Variants in VAT1L observed in about 807,000 individuals in gnomAD.
VAT1L encodes the protein vesicle amine transport 1 like.
A neutral mutation model predicts 44.1 loss-of-function variants in VAT1L; 34 were observed. That is an observed-to-expected ratio of 0.77 (90% CI 0.59 to 1.03). VAT1L has a LOEUF of 1.03. Among genes scored for constraint, VAT1L ranks in the 50% least tolerant of loss-of-function variants. The pLI is 0.00. For synonymous variants in VAT1L, 253 were observed against 202.2 expected, an observed-to-expected ratio of 1.25 and a Z score of -2.13; for missense variants, 615 against 538.8, an observed-to-expected ratio of 1.14 and a Z score of -1.40.
At chr16:77,886,783 G>A (rs893764712) in intron 7 of VAT1L, among the ~76,000 whole-genome samples, 4 of 152,102 alleles carry the variant, frequency 2.6e-5, no homozygotes, top group African/African-American at 9.7e-5. Context: ...TGAGTGGAGG[G>A]GGGAGACTTA....
Position 77,901,630 on chromosome 16 carries a change from A to G in VAT1L, c.1077+16828A>G, listed in dbSNP as rs1429252491. 3.3e-5 allele frequency among the ~76,000 whole-genome samples: 5 copies of G among 152,272 alleles called. No homozygotes were observed. The East Asian group carries it at 7.7e-4, about 24-fold the overall frequency. ...TTCTCTTTAGGCACAATGTGGTTCT[A>G]ACTCCCAGGTTTGCAGGCCATCAGC... On this transcript the variant is annotated intron_variant, in intron 7 of 8. Transcript: ENST00000302536.
chr16:77,882,847 G>A (rs541360003), intron 6 of VAT1L, among the ~76,000 whole-genome samples: 12 of 152,276 alleles, frequency 7.9e-5, no homozygotes, highest in South Asian at 4.1e-4. Flanking sequence ...TAAGGAATAC[G>A]TTAAGTTATT....
chr16:77,811,851 T>C (rs981660748), intron 1 of VAT1L, among the ~76,000 whole-genome samples: 3 of 152,170 alleles, frequency 2.0e-5, no homozygotes, highest in African/African-American at 7.2e-5. Flanking sequence ...CAATGTCTTT[T>C]TCTCAAGACC....
chr16:77,914,924 G>A (rs537265145), intron 7 of VAT1L, among the ~76,000 whole-genome samples: 5 of 152,144 alleles, frequency 3.3e-5, no homozygotes, highest in Admixed American at 6.6e-5. Context: ...TCGGGAGTTC[G>A]AGACCAGCCT....
Position 77,789,285 on chromosome 16 carries a change from C to G in VAT1L, c.233+370C>G, listed in dbSNP as rs185741837. Among the ~76,000 whole-genome samples the G allele has an allele frequency of 2.4e-3, 372 of 152,250 alleles. 2 individuals are homozygous for G. The highest frequency in any genetic ancestry group is 4.0e-3 in the Non-Finnish European group (275 of 68,018). On this transcript the variant is annotated intron_variant, in intron 1 of 8. Transcript: ENST00000302536. ...TTAAAAATATATGTATTAAGAACCG[C>G]AAGCCCACTGTGTGCCAGCCGCCGT...
chr16:77,831,457 A>G (rs923536053), intron 3 of VAT1L, among the ~76,000 whole-genome samples: 14 of 152,164 alleles, frequency 9.2e-5, no homozygotes, highest in Admixed American at 1.3e-4. Context: ...GCTTCCATGT[A>G]TGTGTCATAC....
In VAT1L at chr16:77,896,954, C is replaced by T. The variant is rs1304867884; in HGVS notation, c.1077+12152C>T. ...TTAAAAGACACAGACCAGGATTCTGCTGTTTCCAAAGACTGGAAAGTTTCT... is the reference window on the plus strand; with the variant it reads ...TTAAAAGACACAGACCAGGATTCTGTTGTTTCCAAAGACTGGAAAGTTTCT... On this transcript the variant is annotated intron_variant, in intron 7 of 8. Coordinates refer to ENST00000302536, the MANE Select transcript of VAT1L (RefSeq NM_020927.3). Among the ~76,000 whole-genome samples the T allele has an allele frequency of 3.9e-5, 6 of 152,228 alleles. No individual in the cohort carries two copies. The South Asian group carries it at 1.0e-3, about 26-fold the overall frequency.
intron 3 of VAT1L, among the ~76,000 whole-genome samples, chr16:77,847,414 T>C (rs1011001097): frequency 6.6e-6 from 1 of 152,198 alleles, no homozygotes; most frequent in African/African-American, 2.4e-5. Flanking sequence ...TGGAAACGTA[T>C]TGCCCTCATC....
chr16:77,949,062 T>C (rs1392985012), intron 7 of VAT1L, among the ~76,000 whole-genome samples: 1 of 152,180 alleles, frequency 6.6e-6, no homozygotes, highest in Admixed American at 6.5e-5. Flanking sequence ...TCAGTAATCA[T>C]GACTGTGGCA....
intron 7 of VAT1L, among the ~76,000 whole-genome samples, chr16:77,906,185 G>A (rs1256546538): frequency 6.6e-6 from 1 of 152,206 alleles, no homozygotes; most frequent in Admixed American, 6.5e-5. Flanking sequence ...TGTAAGGTGA[G>A]GACAGCAAAG....
intron 7 of VAT1L, chr16:77,892,674 A>G: frequency 2.8e-6 from 2 of 723,276 alleles, no homozygotes; most frequent in South Asian, 2.7e-5. Flanking sequence ...AAATTAGATG[A>G]TGAGAACTTC....
At position 77,943,256 on chromosome 16, in the gene VAT1L, C is replaced by T. The variant is rs140051401; in HGVS notation, c.1078-28594C>T. ...ATTTTTAGTAGAGATGGGGTTTCAC[C>T]ATGTTGGTCAGGCTGGTCTCAAGCT... is the stretch of plus-strand genomic sequence containing the variant. On this transcript the variant is annotated intron_variant, in intron 7 of 8. Transcript: ENST00000302536. Among the ~76,000 whole-genome samples the T allele has an allele frequency of 5.7e-3, 864 of 151,218 alleles. 13 individuals are homozygous for T. The highest frequency in any genetic ancestry group is 0.02 in the African/African-American group (822 of 41,184).
At chr16:77,908,930 G>T (rs1413274229) in intron 7 of VAT1L, among the ~76,000 whole-genome samples, 2 of 152,002 alleles carry the variant, frequency 1.3e-5, no homozygotes, top group Admixed American at 6.6e-5. Flanking sequence ...AAAATAAAAA[G>T]ACAGGAAAAG....
rs1396063361 is a variant in VAT1L, at chr16:77,876,431, G to T, written c.784G>T (p.Gly262Cys). 1.2e-6 allele frequency: 2 copies of T among 1,614,052 alleles called. No homozygotes were observed. The highest frequency in any genetic ancestry group is 1.7e-6 in the Non-Finnish European group (2 of 1,180,026). The change falls in exon 5 of 9, where the codon GGT becomes TGT. Residue 262 changes from glycine to cysteine, a missense_variant. Transcript: ENST00000302536. ...CCTCTGTGGGGACAACACTGGAAAA[G>T]GTCTCAGTCTTCTCAAACCCCTGGG... ...DCLCGDNTGKGLSLLKPLGTY... is the reference protein window; with the variant it reads ...DCLCGDNTGKCLSLLKPLGTY...
At chr16:77,833,038 A>G (rs1670410448) in intron 3 of VAT1L, among the ~76,000 whole-genome samples, 1 of 152,230 alleles carries the variant, frequency 6.6e-6, no homozygotes, top group Admixed American at 6.5e-5. Context: ...CAGTTACTCA[A>G]GTCAGCAACC....
rs183304285 is a variant in VAT1L, at chr16:77,848,372, A to G, written c.580-14376A>G. ...TGACTCAAGGACATTTTAGGTCCTA[A>G]GAGTCTCCAGAGCTGTGTTTTCAAT... is the stretch of plus-strand genomic sequence containing the variant. On this transcript the variant is annotated intron_variant, in intron 3 of 8. Transcript: ENST00000302536. Among the ~76,000 whole-genome samples the G allele has an allele frequency of 3.9e-5, 6 of 152,306 alleles. No individual in the cohort carries two copies. The East Asian group carries it at 1.2e-3, about 29-fold the overall frequency.
At chr16:77,955,484 G>C (rs139878116) in intron 7 of VAT1L, among the ~76,000 whole-genome samples, 2 of 152,300 alleles carry the variant, frequency 1.3e-5, no homozygotes, top group African/African-American at 4.8e-5. Flanking sequence ...CAGCACTTTG[G>C]GACGCCAAGG....
intron 7 of VAT1L, among the ~76,000 whole-genome samples, chr16:77,901,426 A>C (rs1314884135): frequency 6.6e-6 from 1 of 151,896 alleles, no homozygotes; most frequent in African/African-American, 2.4e-5. Flanking sequence ...CGCCTCCCAA[A>C]GTGCTGGGAT....
At chr16:77,925,404 G>A (rs1254352008) in intron 7 of VAT1L, among the ~76,000 whole-genome samples, 1 of 152,142 alleles carries the variant, frequency 6.6e-6, no homozygotes, top group African/African-American at 2.4e-5. Flanking sequence ...AGTGGCTTGA[G>A]TTTCAGCCTA....
Sources: allele counts gnomAD v4.1 joint callset (sites outside exome capture counted in the v4.1 genomes callset), GRCh38; gene constraint gnomAD v4.1.1; transcripts MANE v1.5; gene names NCBI Gene and HGNC (gene_info 2026-07-23, HGNC 2026-07-21).